The following GRID2 variants were observed in gnomAD, a reference collection of about 807,000 sequenced individuals.
GRID2 encodes glutamate ionotropic receptor delta type subunit 2.
In GRID2, 33 loss-of-function variants were observed where a neutral mutation model predicts 114.8. The observed-to-expected ratio is 0.29, with a 90% CI of 0.22 to 0.38. GRID2 has a LOEUF of 0.38. Among genes scored for constraint, GRID2 ranks in the 10% least tolerant of loss-of-function variants. The pLI, the probability that GRID2 is intolerant of heterozygous loss-of-function variation, is 1.00. For missense variants in GRID2, 1,184 were observed against 1,257.7 expected, an observed-to-expected ratio of 0.94 and a Z score of 0.89; for synonymous variants, 505 against 449.9, an observed-to-expected ratio of 1.12 and a Z score of -1.55.
intron 1 of GRID2, among the ~76,000 whole-genome samples, chr4:92,553,849 G>A (rs1726719019): frequency 6.6e-6 from 1 of 151,852 alleles, no homozygotes; most frequent in Non-Finnish European, 1.5e-5. Flanking sequence ...ACGGGCTTTT[G>A]CCACGTTAGC....
At chr4:92,310,549 A>T (rs1725643753) in intron 1 of GRID2, among the ~76,000 whole-genome samples, 1 of 152,040 alleles carries the variant, frequency 6.6e-6, no homozygotes, top group African/African-American at 2.4e-5. Context: ...TAGCATATTG[A>T]TGTGGACACA....
intron 1 of GRID2, among the ~76,000 whole-genome samples, chr4:92,536,579 ATTG>A (rs1269557030): frequency 6.6e-6 from 1 of 152,202 alleles, no homozygotes; most frequent in Non-Finnish European, 1.5e-5. Context: ...CTTTAATAAG[ATTG>A]TTATTTTAAT....
chr4:93,391,192 T>G (rs1948016), intron 8 of GRID2, among the ~76,000 whole-genome samples: 60,851 of 151,896 alleles, frequency 0.4, 12,467 homozygotes, highest in East Asian at 0.66. Flanking sequence ...TAAAGAAAAT[T>G]ATCATTGGAG....
At position 93,152,416 on chromosome 4, in the gene GRID2, A is replaced by G. The variant is rs569701655; in HGVS notation, c.735+41463A>G. On this transcript the variant is annotated intron_variant, in intron 4 of 15. Coordinates refer to ENST00000282020, the MANE Select transcript of GRID2 (RefSeq NM_001510.4). ...ACTCTTGATTTAAAAACATGAAGAC[A>G]AAGAGTACATGATTGCTTTTCCAGG... Among the ~76,000 whole-genome samples, 17 of 152,266 alleles carry G rather than the reference A, an allele frequency of 1.1e-4. 1 individual carries two copies. Among genetic ancestry groups the G allele is most frequent in the African/African-American group, 3.6e-4 (15 of 41,584 alleles).
intron 1 of GRID2, among the ~76,000 whole-genome samples, chr4:92,445,323 A>T (rs1733396689): frequency 6.6e-6 from 1 of 152,168 alleles, no homozygotes; most frequent in Non-Finnish European, 1.5e-5. Context: ...ATCATTCCTG[A>T]CAATCTTTGC....
chr4:92,461,482 AT>A (rs1560646650), intron 1 of GRID2, among the ~76,000 whole-genome samples: 1 of 152,026 alleles, frequency 6.6e-6, no homozygotes, highest in East Asian at 1.9e-4. Flanking sequence ...GAAACTTGAA[AT>A]GACAAACCCT....
At chr4:93,504,237 G>T (rs943177084) in intron 12 of GRID2, among the ~76,000 whole-genome samples, 1 of 151,904 alleles carries the variant, frequency 6.6e-6, no homozygotes, top group Non-Finnish European at 1.5e-5. Context: ...ATTTCATTTG[G>T]GTCATTGTTT....
intron 4 of GRID2, among the ~76,000 whole-genome samples, chr4:93,122,111 A>G (rs781477447): frequency 1.3e-5 from 2 of 152,108 alleles, no homozygotes; most frequent in African/African-American, 2.4e-5. Flanking sequence ...ATGTAGTCCA[A>G]ATTATTACAT....
chr4:92,661,727 A>G (rs796465593), intron 2 of GRID2, among the ~76,000 whole-genome samples: 21 of 151,046 alleles, frequency 1.4e-4, no homozygotes, highest in African/African-American at 5.1e-4. Context: ...TGTTGTCTTA[A>G]TGATGATGTA....
chr4:92,326,274 A>G (rs940209034), intron 1 of GRID2, among the ~76,000 whole-genome samples: 1 of 151,932 alleles, frequency 6.6e-6, no homozygotes, highest in Non-Finnish European at 1.5e-5. Context: ...CAATGAGCAT[A>G]AGTACACTGA....
chr4:93,582,444 G>A (rs1358881972), intron 13 of GRID2, among the ~76,000 whole-genome samples: 1 of 152,110 alleles, frequency 6.6e-6, no homozygotes, highest in Non-Finnish European at 1.5e-5. Context: ...TTTAGGGATT[G>A]GAAGGTAGAC....
rs1472259164 is a variant in GRID2 at position 92,495,353 on chromosome 4, AT to A, written c.89-94777del. Reference sequence around the variant, plus strand: ...TATGGGGGAATACTCAACATACACAATAGCAACATAGATTCCCTGTTATACA... The same window carrying A: ...TATGGGGGAATACTCAACATACACAAAGCAACATAGATTCCCTGTTATACA... On this transcript the variant is annotated intron_variant, in intron 1 of 15. Coordinates refer to ENST00000282020, the MANE Select transcript of GRID2 (RefSeq NM_001510.4). Among the ~76,000 whole-genome samples the A allele has an allele frequency of 3.3e-5, 5 of 152,108 alleles. No individual in the cohort carries two copies. The East Asian group carries it at 7.7e-4, about 24-fold the overall frequency.
chr4:93,663,643 A>C (rs1182389939), intron 14 of GRID2, among the ~76,000 whole-genome samples: 1 of 152,178 alleles, frequency 6.6e-6, no homozygotes, highest in Non-Finnish European at 1.5e-5. Flanking sequence ...TGAAGGAAGG[A>C]GCATTTACGT....
intron 1 of GRID2, among the ~76,000 whole-genome samples, chr4:92,417,330 T>C (rs1731663214): frequency 6.6e-6 from 1 of 152,090 alleles, no homozygotes; most frequent in Non-Finnish European, 1.5e-5. Context: ...CTCTGAAAAG[T>C]AATCCCAAAG....
At chr4:93,407,535 T>C (rs138135567) in intron 9 of GRID2, among the ~76,000 whole-genome samples, 2 of 152,316 alleles carry the variant, frequency 1.3e-5, no homozygotes, top group East Asian at 3.9e-4. Context: ...TATGTTAGCC[T>C]GGATAGAAAC....
chr4:92,797,434 T>C (rs1186521214), intron 2 of GRID2, among the ~76,000 whole-genome samples: 1 of 151,966 alleles, frequency 6.6e-6, no homozygotes, highest in Non-Finnish European at 1.5e-5. Context: ...AGATTATACA[T>C]TGTGGTTTAA....
intron 1 of GRID2, among the ~76,000 whole-genome samples, chr4:92,482,192 A>G (rs1313800769): frequency 6.6e-6 from 1 of 151,376 alleles, no homozygotes; most frequent in African/African-American, 2.4e-5. Flanking sequence ...GAAGGCAATA[A>G]TCCTAAGCAA....
intron 2 of GRID2, among the ~76,000 whole-genome samples, chr4:92,714,208 G>A (rs1413447815): frequency 1.3e-5 from 2 of 152,172 alleles, no homozygotes; most frequent in African/African-American, 2.4e-5. Context: ...AAAATCCAGT[G>A]AGGCAGTCAA....
intron 1 of GRID2, among the ~76,000 whole-genome samples, chr4:92,340,255 C>T (rs939465571): frequency 2.0e-5 from 3 of 152,182 alleles, no homozygotes; most frequent in Non-Finnish European, 4.4e-5. Context: ...ATCACAATCA[C>T]CGTTCATGTA....
Sources: gnomAD v4.1 joint callset for allele counts (sites outside exome capture counted in the v4.1 genomes callset) on GRCh38, gnomAD v4.1.1 for gene constraint, MANE v1.5 for transcripts, NCBI Gene and HGNC (gene_info 2026-07-23, HGNC 2026-07-21) for gene names.